Variants in TRHDE observed in about 807,000 individuals in gnomAD.
TRHDE encodes the protein thyrotropin-releasing hormone-degrading ectoenzyme.
In TRHDE, 72 loss-of-function variants were observed where a neutral mutation model predicts 125.7. The ratio of observed to expected loss-of-function variants is 0.57; its 90% confidence interval spans 0.47 to 0.70. The LOEUF (loss-of-function observed/expected upper bound fraction) is 0.70, where lower values mean the gene tolerates loss of function less well. TRHDE is among the 30% of genes least tolerant of loss of function. The pLI is 0.00. For synonymous variants in TRHDE, 509 were observed against 509.1 expected (o/e 1.00, Z 0.00); for missense variants, 1,110 against 1,327.1 (o/e 0.84, Z 2.54).
intron 6 of TRHDE, among the ~76,000 whole-genome samples, chr12:72,512,054 T>C (rs565945018): frequency 6.6e-6 from 1 of 152,256 alleles, no homozygotes; most frequent in African/African-American, 2.4e-5. Flanking sequence ...TTTACTTTGC[T>C]GAAAAGCTTA....
intron 3 of TRHDE, among the ~76,000 whole-genome samples, chr12:72,383,006 A>T (rs1268118564): frequency 2.0e-5 from 3 of 152,164 alleles, no homozygotes; most frequent in Admixed American, 2.0e-4. Context: ...ACATAAAGAC[A>T]CTCCTGTATC....
chr12:72,602,072 G>A (rs1394360912), intron 12 of TRHDE, among the ~76,000 whole-genome samples: 1 of 152,084 alleles, frequency 6.6e-6, no homozygotes, highest in East Asian at 1.9e-4. Context: ...GAGAGTGCTG[G>A]CCCCCACACA....
At chr12:72,280,705 T>C (rs192033972) in intron 1 of TRHDE, among the ~76,000 whole-genome samples, 8 of 152,244 alleles carry the variant, frequency 5.3e-5, no homozygotes, top group African/African-American at 1.9e-4. Flanking sequence ...AGCACTGCTG[T>C]CTATTAGCAG....
intron 2 of TRHDE, among the ~76,000 whole-genome samples, chr12:72,240,303 TTTTATATATA>T (rs1565670640): frequency 9.1e-6 from 1 of 109,550 alleles, no homozygotes; most frequent in African/African-American, 4.7e-5. Flanking sequence ...CCTTCTCACA[TTTTATATATA>T]TATATATATA....
rs1232760719 is a variant in TRHDE at position 72,670,583 on chromosome 12, A to G, written c.*7388A>G. The stretch of plus-strand genomic sequence containing the variant: ...CATTTTTAAAATTTTGAGTATATAT[A>G]TTATAGAGGTCCATGCAAATGGAAA... On this transcript the variant is annotated 3_prime_UTR_variant, in exon 19 of 19. Coordinates refer to ENST00000261180, the MANE Select transcript of TRHDE (RefSeq NM_013381.3). 6.6e-6 allele frequency: 1 copy of G among 151,658 alleles called. No homozygotes were observed. Among genetic ancestry groups the G allele is most frequent in the Non-Finnish European group, 1.5e-5 (1 of 67,776 alleles). The allele number at this position is 151,658 out of a possible 1,614,324, so 9.4% of individuals were successfully genotyped here.
chr12:72,535,088 C>T (rs1868786567), intron 6 of TRHDE, among the ~76,000 whole-genome samples: 1 of 151,794 alleles, frequency 6.6e-6, no homozygotes, highest in Admixed American at 6.6e-5. Context: ...GATATCAATA[C>T]CTATATACTT....
intron 5 of TRHDE, among the ~76,000 whole-genome samples, chr12:72,495,060 G>GT (rs751243542): frequency 0.55 from 31,995 of 58,282 alleles, 11,156 homozygotes; most frequent in Non-Finnish European, 0.66. Flanking sequence ...TTCCTCCCCC[G>GT]TTTTTTTTTT....
chr12:72,620,338 C>CAAAAAAAAAAAA (rs3080963), intron 13 of TRHDE, among the ~76,000 whole-genome samples: 1 of 67,488 alleles, frequency 1.5e-5, no homozygotes, highest in Non-Finnish European at 3.5e-5. Flanking sequence ...CCCATCTCTA[C>CAAAAAAAAAAAA]AAAAAAAAAA....
chr12:72,481,235 TC>T (rs1877154725), intron 5 of TRHDE, among the ~76,000 whole-genome samples: 1 of 151,942 alleles, frequency 6.6e-6, no homozygotes, highest in South Asian at 2.1e-4. Flanking sequence ...TTTTCTTTTT[TC>T]TTTTTATCAA....
chr12:72,463,770 T>C (rs1472902975), intron 3 of TRHDE, among the ~76,000 whole-genome samples: 1 of 152,182 alleles, frequency 6.6e-6, no homozygotes, highest in African/African-American at 2.4e-5. Context: ...GCACACATTT[T>C]TGTTAGTGAT....
intron 2 of TRHDE, among the ~76,000 whole-genome samples, chr12:72,346,996 G>C (rs1284702840): frequency 6.6e-6 from 1 of 152,080 alleles, no homozygotes; most frequent in Non-Finnish European, 1.5e-5. Context: ...GGTGTTCTCT[G>C]TGTGTATGTG....
intron 2 of TRHDE, among the ~76,000 whole-genome samples, chr12:72,242,143 GAT>G (rs1414044382): frequency 6.6e-6 from 1 of 152,128 alleles, no homozygotes; most frequent in African/African-American, 2.4e-5. Flanking sequence ...TTTTTAAAAA[GAT>G]AATGTTCATC....
chr12:72,343,551 G>C (rs748148315), intron 2 of TRHDE, among the ~76,000 whole-genome samples: 2 of 152,098 alleles, frequency 1.3e-5, no homozygotes, highest in Non-Finnish European at 2.9e-5. Context: ...TAAGCCAGGT[G>C]TAAATGTCAA....
At chr12:72,561,180 C>T (rs1269784148) in intron 7 of TRHDE, among the ~76,000 whole-genome samples, 1 of 152,208 alleles carries the variant, frequency 6.6e-6, no homozygotes, top group East Asian at 1.9e-4. Context: ...AAAAGCTGAA[C>T]CTGTCACAGG....
intron 7 of TRHDE, among the ~76,000 whole-genome samples, chr12:72,561,942 A>G (rs892633972): frequency 2.0e-5 from 3 of 152,178 alleles, no homozygotes; most frequent in African/African-American, 7.2e-5. Context: ...TATTATAGTT[A>G]TGAAAATGAT....
At chr12:72,647,516 A>G (rs1266778772) in intron 15 of TRHDE, among the ~76,000 whole-genome samples, 1 of 152,046 alleles carries the variant, frequency 6.6e-6, no homozygotes, top group East Asian at 1.9e-4. Flanking sequence ...AGACAAGATA[A>G]AATTGATAAA....
chr12:72,142,413 G>C (rs1445005663), intron 2 of TRHDE, among the ~76,000 whole-genome samples: 1 of 152,118 alleles, frequency 6.6e-6, no homozygotes, highest in African/African-American at 2.4e-5. Flanking sequence ...TTCTTCTAAG[G>C]AGGCAAGGGC....
intron 5 of TRHDE, among the ~76,000 whole-genome samples, chr12:72,477,247 T>C (rs1592474715): frequency 6.6e-6 from 1 of 152,190 alleles, no homozygotes; most frequent in Non-Finnish European, 1.5e-5. Context: ...GTACATTGAT[T>C]TTTTGTATAG....
At chr12:72,512,013 A>C (rs1878600740) in intron 6 of TRHDE, among the ~76,000 whole-genome samples, 1 of 152,102 alleles carries the variant, frequency 6.6e-6, no homozygotes, top group Non-Finnish European at 1.5e-5. Context: ...GCTACTTTTG[A>C]ATTCCTCTGT....
Sources: allele counts gnomAD v4.1 joint callset (sites outside exome capture counted in the v4.1 genomes callset), GRCh38; gene constraint gnomAD v4.1.1; transcripts MANE v1.5; gene names NCBI Gene and HGNC (gene_info 2026-07-23, HGNC 2026-07-21).